LINGO2: variants seen among roughly 807,000 people sequenced by gnomAD.
LINGO2 encodes leucine-rich repeat and immunoglobulin-like domain-containing nogo receptor-interacting protein 2.
LINGO2 carries 14 observed loss-of-function variants against 30.6 expected under a neutral mutation model. The observed-to-expected ratio is 0.46, with a 90% CI of 0.30 to 0.72. The LOEUF is 0.72. LINGO2 is among the 30% of genes least tolerant of loss of function. LINGO2 has a pLI of 0.07. For missense variants in LINGO2, 729 were observed against 751.7 expected, an observed-to-expected ratio of 0.97 and a Z score of 0.35; for synonymous variants, 317 against 288.5, an observed-to-expected ratio of 1.10 and a Z score of -1.00.
chr9:27,945,803 C>T (rs898687275), downstream of LINGO2, among the ~76,000 whole-genome samples: 1 of 152,078 alleles, frequency 6.6e-6, no homozygotes, highest in Non-Finnish European at 1.5e-5. Flanking sequence ...ACAAAAAGAA[C>T]CCAAGATCTG....
At chr9:27,943,734 G>A (rs1004952863), downstream of LINGO2, 3 of 152,160 alleles carry the variant, frequency 2.0e-5, no homozygotes, top group Non-Finnish European at 4.4e-5. Flanking sequence ...CAGCTGAGAA[G>A]TGACAGTGGT....
At chr9:28,499,835 C>G (rs1587762478) in intron 1 of LINGO2, among the ~76,000 whole-genome samples, 1 of 152,094 alleles carries the variant, frequency 6.6e-6, no homozygotes, top group African/African-American at 2.4e-5. Flanking sequence ...GGAAGCCTTT[C>G]TAGACTAATT....
At chr9:28,288,922 G>T (rs1199759784) in intron 4 of LINGO2, among the ~76,000 whole-genome samples, 1 of 152,140 alleles carries the variant, frequency 6.6e-6, no homozygotes, top group Admixed American at 6.5e-5. Flanking sequence ...CTATTATCAG[G>T]AATGTTTTCA....
At chr9:28,822,784 A>C in the LINGO2 span, among the ~76,000 whole-genome samples, 1 of 152,050 alleles carries the variant, frequency 6.6e-6, no homozygotes, top group African/African-American at 2.4e-5. Context: ...AATACTTAAT[A>C]AACTCCCCTT....
the LINGO2 span, among the ~76,000 whole-genome samples, chr9:29,139,639 C>G: frequency 6.6e-6 from 1 of 151,848 alleles, no homozygotes; most frequent in African/African-American, 2.4e-5. Context: ...GCTCTTGAAC[C>G]CCATGAAAGT....
At chr9:29,058,936 T>A in the LINGO2 span, among the ~76,000 whole-genome samples, 1 of 152,014 alleles carries the variant, frequency 6.6e-6, no homozygotes, top group East Asian at 1.9e-4. Flanking sequence ...ATTATCTTTT[T>A]AATAGAATAT....
At chr9:28,897,446 C>T in the LINGO2 span, among the ~76,000 whole-genome samples, 422 of 152,164 alleles carry the variant, frequency 2.8e-3, no homozygotes, top group African/African-American at 9.8e-3. Flanking sequence ...CAGGTAGAGG[C>T]GATATGCACC....
the LINGO2 span, among the ~76,000 whole-genome samples, chr9:28,991,027 T>G: frequency 2.6e-5 from 4 of 152,270 alleles, no homozygotes; most frequent in African/African-American, 9.6e-5. Context: ...ATGACTTTGA[T>G]GAGTTGAGAG....
chr9:28,180,204 C>T (rs1828872917), intron 4 of LINGO2, among the ~76,000 whole-genome samples: 1 of 152,100 alleles, frequency 6.6e-6, no homozygotes, highest in African/African-American at 2.4e-5. Context: ...CACTGGGCTG[C>T]CTCCATGCCA....
the LINGO2 span, among the ~76,000 whole-genome samples, chr9:29,169,978 G>A: frequency 6.6e-6 from 1 of 152,044 alleles, no homozygotes; most frequent in Non-Finnish European, 1.5e-5. Flanking sequence ...CTGGGACAGA[G>A]CAAGACTCTG....
At chr9:28,791,653 T>TA in the LINGO2 span, among the ~76,000 whole-genome samples, 2 of 151,872 alleles carry the variant, frequency 1.3e-5, no homozygotes, top group Non-Finnish European at 2.9e-5. Context: ...AGAGCTGAAA[T>TA]AAAAAAGTAC....
chr9:28,537,817 T>C (rs1821501757), intron 1 of LINGO2, among the ~76,000 whole-genome samples: 1 of 150,444 alleles, frequency 6.6e-6, no homozygotes, highest in Admixed American at 6.6e-5. Context: ...AAATTACCCA[T>C]AATTGAAGAA....
the LINGO2 span, among the ~76,000 whole-genome samples, chr9:28,844,388 A>C: frequency 6.6e-6 from 1 of 151,700 alleles, no homozygotes; most frequent in Non-Finnish European, 1.5e-5. Context: ...AAAAACGAAA[A>C]AGAAGAAAAG....
chr9:28,914,279 G>A, the LINGO2 span, among the ~76,000 whole-genome samples: 4 of 152,108 alleles, frequency 2.6e-5, no homozygotes, highest in Non-Finnish European at 4.4e-5. Flanking sequence ...ACTTTAGACA[G>A]CACAGACCAG....
intron 1 of LINGO2, among the ~76,000 whole-genome samples, chr9:28,540,444 T>C (rs982284340): frequency 1.3e-5 from 2 of 152,036 alleles, no homozygotes; most frequent in Admixed American, 6.6e-5. Flanking sequence ...TATTTTTTTG[T>C]AGAGACAGGG....
chr9:28,921,525 T>C, the LINGO2 span, among the ~76,000 whole-genome samples: 111,598 of 152,108 alleles, frequency 0.73, 41,147 homozygotes, highest in Non-Finnish European at 0.78. Context: ...CATTTAGAAT[T>C]GTGATGTGGG....
At chr9:28,652,594 C>G (rs1473148087) in intron 1 of LINGO2, among the ~76,000 whole-genome samples, 2 of 151,822 alleles carry the variant, frequency 1.3e-5, no homozygotes, top group Non-Finnish European at 2.9e-5. Flanking sequence ...CAAAACCATA[C>G]CTTGTTGCTT....
At chr9:29,010,954 C>G in the LINGO2 span, among the ~76,000 whole-genome samples, 1 of 151,936 alleles carries the variant, frequency 6.6e-6, no homozygotes, top group African/African-American at 2.4e-5. Flanking sequence ...ATTCTGAGGC[C>G]GAACTCTATC....
the LINGO2 span, among the ~76,000 whole-genome samples, chr9:28,718,665 C>T: frequency 6.6e-6 from 1 of 152,012 alleles, no homozygotes; most frequent in Non-Finnish European, 1.5e-5. Flanking sequence ...AGGCTAAAAG[C>T]CTACCAATTT....
Sources: gnomAD v4.1 joint callset for allele counts (sites outside exome capture counted in the v4.1 genomes callset) on GRCh38, gnomAD v4.1.1 for gene constraint, MANE v1.5 for transcripts, NCBI Gene and HGNC (gene_info 2026-07-23, HGNC 2026-07-21) for gene names.